Variants in ZC3H7A observed in about 807,000 individuals in gnomAD.
The protein encoded by ZC3H7A is zinc finger CCCH-type containing 7A.
ZC3H7A carries 44 observed loss-of-function variants against 125.5 expected under a neutral mutation model. The observed-to-expected ratio is 0.35, with a 90% CI of 0.28 to 0.45. The LOEUF (loss-of-function observed/expected upper bound fraction) is 0.45, where lower values mean the gene tolerates loss of function less well. Among genes scored for constraint, ZC3H7A ranks in the 20% least tolerant of loss-of-function variants. The pLI, the probability that ZC3H7A is intolerant of heterozygous loss-of-function variation, is 1.00. For missense variants in ZC3H7A, 977 were observed against 1,170.7 expected (o/e 0.83, Z 2.41); for synonymous variants, 399 against 391.2 (o/e 1.02, Z -0.23).
chr16:11,771,120 A>C, intron 9 of ZC3H7A, 133 bp from the exon 10 acceptor site: 1 of 894,788 alleles, frequency 1.1e-6, no homozygotes, highest in South Asian at 1.8e-5. Flanking sequence ...TAGGCCAGGC[A>C]TGGTGGCCTG....
rs566092264 is a variant in ZC3H7A at position 11,779,002 on chromosome 16, G to A, written c.306+164C>T. Among the ~76,000 whole-genome samples the A allele has an allele frequency of 1.4e-4, 22 of 152,156 alleles. No individual in the cohort carries two copies. In the East Asian group the frequency reaches 3.5e-3, roughly 24 times the overall value. ...GCTGGGATTACAGGCGTGAGCCACC[G>A]TGCCCGGCCAATCCAAAGCTAATTT... On this transcript the variant is annotated intron_variant, in intron 4 of 22. Transcript: ENST00000355758.
At chr16:11,768,850 G>T (rs916120469) in intron 11 of ZC3H7A, among the ~76,000 whole-genome samples, 181 bp downstream of exon 11, 5 of 152,136 alleles carry the variant, frequency 3.3e-5, no homozygotes, top group African/African-American at 1.2e-4. Flanking sequence ...TGCTATGACA[G>T]ATCAAGTCTT....
intron 10 of ZC3H7A, 66 bp downstream of exon 10, chr16:11,770,717 C>T (rs1469504363): frequency 3.5e-6 from 5 of 1,436,220 alleles, no homozygotes; most frequent in South Asian, 1.3e-5. Context: ...TAAATAATTG[C>T]CAAACAAACA....
intron 1 of ZC3H7A, chr16:11,783,104 G>A (rs865850888): frequency 3.9e-5 from 6 of 152,096 alleles, no homozygotes; most frequent in Non-Finnish European, 7.3e-5. Context: ...GCTTCTGGAA[G>A]CTCTCCAGAA....
At chr16:11,753,574 T>TA (rs1289804635) in intron 21 of ZC3H7A, 1 of 152,384 alleles carries the variant, frequency 6.6e-6, no homozygotes, top group Non-Finnish European at 1.5e-5. Flanking sequence ...CCTGAGTGGC[T>TA]AGGATTACAG....
chr16:11,779,472 G>T, intron 3 of ZC3H7A, 109 bp from the exon 4 acceptor site: 1 of 920,356 alleles, frequency 1.1e-6, no homozygotes, highest in Non-Finnish European at 1.6e-6. Flanking sequence ...TGACAGAACA[G>T]CAGCATTGCT....
In ZC3H7A at chr16:11,763,609, C is replaced by T. The variant is rs1372777720; in HGVS notation, c.1871G>A (p.Arg624His). 6.2e-7 allele frequency: 1 copy of T among 1,606,666 alleles called. No homozygotes were observed. The highest frequency in any genetic ancestry group is 8.5e-7 in the Non-Finnish European group (1 of 1,176,126). The stretch of plus-strand genomic sequence containing the variant: ...AAGCTGACACTGACCATGAAAAGAA[C>T]GTATTTTGGAGTATTTTACTGTTGT... ...RETTVKYSKI[R>H]SFHGQCQLDL... The change falls in exon 16 of 23, where the codon CGT (arginine) becomes CAT (histidine). Residue 624 changes from arginine to histidine, a missense_variant. By Grantham distance (29) the Arg-to-His change is conservative. This residue lies in a region of ZC3H7A where 436 missense variants were observed against 603.2 expected (regional missense o/e 0.72). Coordinates refer to ENST00000355758, the MANE Select transcript of ZC3H7A (RefSeq NM_014153.4).
chr16:11,758,316 C>A (rs999825167), intron 20 of ZC3H7A, 115 bp downstream of exon 20: 4 of 773,526 alleles, frequency 5.2e-6, no homozygotes, highest in Non-Finnish European at 8.7e-6. Context: ...TGAAACGGGG[C>A]AACCGTTTAG....
At chr16:11,790,227 A>T (rs897631769) in intron 1 of ZC3H7A, among the ~76,000 whole-genome samples, 1 of 152,198 alleles carries the variant, frequency 6.6e-6, no homozygotes, top group Admixed American at 6.5e-5. Flanking sequence ...CCAGGCATCA[A>T]ATGTGTGCAT....
At chr16:11,790,073 C>T (rs2053324370) in intron 1 of ZC3H7A, among the ~76,000 whole-genome samples, 1 of 122,006 alleles carries the variant, frequency 8.2e-6, no homozygotes, top group African/African-American at 3.4e-5. Context: ...GAGTGAGACT[C>T]CATCTCAAAA....
Position 11,778,678 on chromosome 16 carries a change from C to T in ZC3H7A, c.306+488G>A, listed in dbSNP as rs529921296. ...CTAAGAAACAAATTATTTCTTAAAT[C>T]CCTAACCTTCTGTCCAAAGCTAATT... is the stretch of plus-strand genomic sequence containing the variant. On this transcript the variant is annotated intron_variant, in intron 4 of 22. Transcript: ENST00000355758. 2.4e-3 allele frequency among the ~76,000 whole-genome samples: 368 copies of T among 152,108 alleles called. 1 individual carries two copies. Among genetic ancestry groups the T allele is most frequent in the African/African-American group, 8.3e-3 (346 of 41,512 alleles).
At position 11,779,379 on chromosome 16, in the gene ZC3H7A, T is replaced by G; in HGVS notation, c.109-16A>C. 1 of 1,602,604 alleles carries G rather than the reference T, an allele frequency of 6.2e-7. No individual in the cohort carries two copies. Among genetic ancestry groups the G allele is most frequent in the African/African-American group, 1.3e-5 (1 of 74,172 alleles). On this transcript the variant is annotated splice_polypyrimidine_tract_variant and intron_variant, in intron 3 of 22. Coordinates refer to ENST00000355758, the MANE Select transcript of ZC3H7A (RefSeq NM_014153.4). ...GCAAATATACCTAAAAAAAAGAAAG[T>G]TACCACTTGAAGCCTTTTATCAAAC... is the stretch of plus-strand genomic sequence containing the variant.
Position 11,797,193 on chromosome 16 carries a change from G to A in ZC3H7A, c.-104C>T. 1 of 152,738 alleles carries A rather than the reference G, an allele frequency of 6.5e-6. No homozygotes were observed. Among genetic ancestry groups the A allele is most frequent in the Non-Finnish European group, 1.4e-5 (1 of 70,112 alleles). 9.5% of individuals were successfully genotyped at this position (152,738 alleles called of 1,614,324 possible). A position where few individuals can be genotyped will look rare whatever the true frequency, so the allele number is the denominator to read the frequency against. On this transcript the variant is annotated 5_prime_UTR_variant, in exon 1 of 23. Transcript: ENST00000355758. ...CGGGCGGCGGCAGGCGGGCAGCGGT[G>A]GCGGCGGCGGCGGCGGGGCCTGGGT...
chr16:11,763,749 AT>A (rs2052798187), intron 15 of ZC3H7A, 90 bp from the exon 16 acceptor site: 1 of 123,054 alleles, frequency 8.1e-6, no homozygotes, highest in East Asian at 1.7e-4. Flanking sequence ...ATATATATAT[AT>A]ATATATATAT....
Position 11,779,307 on chromosome 16 carries a change from C to T in ZC3H7A, c.165G>A (p.Arg55=). ...NLFNEGNDVY[R]EHDWNNSISQ... is the part of the protein sequence containing the mutation. ...TTATCGAGTTGTTCCAATCATGTTC[C>T]CGATAAACGTCATTTCCTTCATTAA... Residue 55 remains arginine (R), a synonymous_variant, in exon 4 of 23, where the codon CGG becomes CGA. Coordinates refer to ENST00000355758, the MANE Select transcript of ZC3H7A (RefSeq NM_014153.4). 1 of 1,613,922 alleles carries T rather than the reference C, an allele frequency of 6.2e-7. No individual in the cohort carries two copies. The highest frequency in any genetic ancestry group is 1.1e-5 in the South Asian group (1 of 91,048).
At chr16:11,785,826 A>G (rs2053248758) in intron 1 of ZC3H7A, among the ~76,000 whole-genome samples, 1 of 152,146 alleles carries the variant, frequency 6.6e-6, no homozygotes, top group South Asian at 2.1e-4. Context: ...TCACCGCGTT[A>G]GCCAGGATGG....
chr16:11,785,334 G>A (rs924351269), intron 1 of ZC3H7A, among the ~76,000 whole-genome samples: 5 of 150,918 alleles, frequency 3.3e-5, no homozygotes, highest in African/African-American at 9.7e-5. Context: ...GTGAGACCTT[G>A]CCTCGAAAAA....
intron 19 of ZC3H7A, 92 bp downstream of exon 19, chr16:11,761,314 A>T: frequency 1.6e-6 from 2 of 1,228,276 alleles, no homozygotes; most frequent in Non-Finnish European, 2.4e-6. Context: ...AATATTATTT[A>T]AAGGGCTTGA....
Position 11,765,870 on chromosome 16 carries a change from A to C in ZC3H7A, c.1523-185T>G, listed in dbSNP as rs954677483. On this transcript the variant is annotated intron_variant, in intron 13 of 22. Transcript: ENST00000355758. This position sits in a 1 kb window ranked among gnomAD's most constrained non-coding sequence, Gnocchi z 4.8. ...AGTCCCAGTGTCAAAATAAACAAAC[A>C]AACAAAAAAAGATGGTAATTGTTTC... 6.6e-6 allele frequency among the ~76,000 whole-genome samples: 1 copy of C among 152,214 alleles called. No homozygotes were observed. Among genetic ancestry groups the C allele is most frequent in the African/African-American group, 2.4e-5 (1 of 41,444 alleles).
Sources: gnomAD v4.1 joint callset for allele counts (sites outside exome capture counted in the v4.1 genomes callset) on GRCh38, gnomAD v4.1.1 for gene constraint, gnomAD v4.1.1 regional missense constraint, Gnocchi (gnomAD v3.1) non-coding constraint, MANE v1.5 for transcripts, NCBI Gene and HGNC (gene_info 2026-07-23, HGNC 2026-07-21) for gene names.